Variants in PCDHA3 observed in about 807,000 individuals in gnomAD.
PCDHA3 encodes protocadherin alpha-3.
Under a neutral mutation model 62.2 loss-of-function variants are expected in PCDHA3, and 41 were observed. The observed-to-expected ratio is 0.66, with a 90% CI of 0.51 to 0.86. The LOEUF (loss-of-function observed/expected upper bound fraction) is 0.86. Among genes scored for constraint, PCDHA3 ranks in the 40% least tolerant of loss-of-function variants. PCDHA3 has a pLI of 0.00. For synonymous variants in PCDHA3, 640 were observed against 555.4 expected (o/e 1.15, Z -2.14); for missense variants, 1,304 against 1,241.2 (o/e 1.05, Z -0.76).
rs2150425663 is a variant in PCDHA3, at chr5:140,848,940, G to A, written c.2394+45349G>A. On this transcript the variant is annotated intron_variant, in intron 1 of 3. Coordinates refer to ENST00000522353, the MANE Select transcript of PCDHA3 (RefSeq NM_018906.3). The stretch of plus-strand genomic sequence containing the variant: ...GTTCATCGCGGAATCCAGGCCGCTT[G>A]ACTCTCGGTTTCCACTAGAGGGCGC... 7.5e-6 allele frequency: 12 copies of A among 1,607,456 alleles called. No individual in the cohort carries two copies. In the South Asian group the frequency reaches 1.2e-4, roughly 16 times the overall value.
chr5:140,928,540 G>T lies in PCDHA3; in HGVS notation c.2395-50409G>T, dbSNP rs1554205973. 4 of 1,614,094 alleles carry T rather than the reference G, an allele frequency of 2.5e-6. No homozygotes were observed. In the Admixed American group the frequency reaches 5.0e-5, roughly 20 times the overall value. On this transcript the variant is annotated intron_variant, in intron 1 of 3. Coordinates refer to ENST00000522353, the MANE Select transcript of PCDHA3 (RefSeq NM_018906.3). The stretch of plus-strand genomic sequence containing the variant: ...AAACTTGTTTGTGGTAGATAGGAAT[G>T]ACAATTATCCGGTTATCTTGTTTCC...
rs530453384 is a variant in PCDHA3, at chr5:140,891,358, GA to G, written c.2395-87590del. Among the ~76,000 whole-genome samples the G allele has an allele frequency of 3.0e-3, 462 of 152,158 alleles. 1 individual carries two copies. Among genetic ancestry groups the G allele is most frequent in the Non-Finnish European group, 4.7e-3 (320 of 67,992 alleles). On this transcript the variant is annotated intron_variant, in intron 1 of 3. Transcript: ENST00000522353. ...TGAGATTTTGGTGCATCCATCACCT[GA>G]GCAGTATACATTGCACCATATTTGC...
intron 1 of PCDHA3, chr5:140,968,861 C>T (rs139036960): frequency 5.6e-5 from 90 of 1,614,182 alleles, no homozygotes; most frequent in Admixed American, 2.8e-4. Flanking sequence ...TAAGAGCCCT[C>T]GGACATACTC....
chr5:140,834,196 A>T, intron 1 of PCDHA3: 1 of 595,792 alleles, frequency 1.7e-6, no homozygotes, highest in Non-Finnish European at 2.9e-6. Flanking sequence ...GTCGCTCTTT[A>T]CCGCAAATTC....
At position 140,882,987 on chromosome 5, in the gene PCDHA3, C is replaced by T; in HGVS notation, c.2394+79396C>T. The T allele has an allele frequency of 1.9e-6, 3 of 1,614,110 alleles. No individual in the cohort carries two copies. The highest frequency in any genetic ancestry group is 1.7e-6 in the Non-Finnish European group (2 of 1,180,042). ...ATTCTGGACGTGAATGACAACGCCC[C>T]GGAATTTTACCAATCCGTTTATAAA... is the stretch of plus-strand genomic sequence containing the variant. On this transcript the variant is annotated intron_variant, in intron 1 of 3. Coordinates refer to ENST00000522353, the MANE Select transcript of PCDHA3 (RefSeq NM_018906.3).
chr5:140,976,378 C>G (rs908008970), intron 1 of PCDHA3, among the ~76,000 whole-genome samples: 2 of 151,926 alleles, frequency 1.3e-5, no homozygotes, highest in Non-Finnish European at 2.9e-5. Flanking sequence ...TGGTGAAACC[C>G]CATCTCTACT....
chr5:140,875,816 A>C lies in PCDHA3; in HGVS notation c.2394+72225A>C, dbSNP rs570265935. On this transcript the variant is annotated intron_variant, in intron 1 of 3. Coordinates refer to ENST00000522353, the MANE Select transcript of PCDHA3 (RefSeq NM_018906.3). ...GAGGTGATCGTGGACAGGCCGCTGC[A>C]GGTTTTCCATGTGGACGTGGAGGTG... is the stretch of plus-strand genomic sequence containing the variant. 24 of 1,614,198 alleles carry C rather than the reference A, an allele frequency of 1.5e-5. No individual in the cohort carries two copies. The South Asian group carries it at 2.6e-4, about 18-fold the overall frequency.
chr5:140,967,472 G>A, intron 1 of PCDHA3: 1 of 1,613,430 alleles, frequency 6.2e-7, no homozygotes, highest in Non-Finnish European at 8.5e-7. Flanking sequence ...GGGCATCCCA[G>A]CCCGCTCGGG....
At chr5:140,960,823 G>A (rs370898808) in intron 1 of PCDHA3, among the ~76,000 whole-genome samples, 2 of 152,012 alleles carry the variant, frequency 1.3e-5, no homozygotes, top group East Asian at 3.9e-4. Context: ...AGTGATGAAT[G>A]GAAACTTGGA....
intron 1 of PCDHA3, chr5:140,841,230 G>A: frequency 2.1e-6 from 3 of 1,461,326 alleles, no homozygotes; most frequent in Non-Finnish European, 2.8e-6. Context: ...AACAACGGGA[G>A]ATGCAGCGGA....
At chr5:140,952,345 A>G (rs1199209045) in intron 1 of PCDHA3, among the ~76,000 whole-genome samples, 2 of 151,900 alleles carry the variant, frequency 1.3e-5, no homozygotes, top group Non-Finnish European at 2.9e-5. Context: ...TCTCAAAAAA[A>G]AAAAAAAAAG....
intron 1 of PCDHA3, among the ~76,000 whole-genome samples, chr5:140,844,363 T>A (rs1464433937): frequency 6.7e-6 from 1 of 149,592 alleles, no homozygotes; most frequent in Non-Finnish European, 1.5e-5. Context: ...GGAAGAGATT[T>A]GTAATCCTTC....
At chr5:140,842,693 C>A in intron 1 of PCDHA3, 1 of 1,595,288 alleles carries the variant, frequency 6.3e-7, no homozygotes. Context: ...GTTCGCGCAG[C>A]CCGAGTACAC....
chr5:140,862,480 G>A (rs1293172271), intron 1 of PCDHA3: 1 of 381,094 alleles, frequency 2.6e-6, no homozygotes, highest in East Asian at 7.1e-5. Flanking sequence ...TCTATCCATT[G>A]TTGGTAATCG....
intron 1 of PCDHA3, among the ~76,000 whole-genome samples, chr5:140,975,269 T>A (rs1348655604): frequency 1.3e-5 from 2 of 152,252 alleles, no homozygotes; most frequent in African/African-American, 4.8e-5. Context: ...CTGATTTCTG[T>A]CTCTGACCTC....
intron 3 of PCDHA3, among the ~76,000 whole-genome samples, chr5:140,996,055 C>A (rs1289526573): frequency 6.6e-6 from 1 of 152,164 alleles, no homozygotes; most frequent in Non-Finnish European, 1.5e-5. Flanking sequence ...GTGCTTGGCA[C>A]ACAGTAAAGA....
intron 1 of PCDHA3, chr5:140,835,929 A>G: frequency 6.2e-7 from 1 of 1,612,456 alleles, no homozygotes; most frequent in Non-Finnish European, 8.5e-7. Context: ...GGAGAGCGGC[A>G]AGGTGTACGC....
In PCDHA3 at chr5:140,822,543, T is replaced by A; in HGVS notation, c.2394+18952T>A. Reference sequence around the variant, plus strand: ...TCAGATTGTTGGAAAATGCACCAAGTGGGACATTAGTTATTAAACTGAACG... The same window carrying A: ...TCAGATTGTTGGAAAATGCACCAAGAGGGACATTAGTTATTAAACTGAACG... On this transcript the variant is annotated intron_variant, in intron 1 of 3. Coordinates refer to ENST00000522353, the MANE Select transcript of PCDHA3 (RefSeq NM_018906.3). 6.2e-7 allele frequency: 1 copy of A among 1,613,924 alleles called. No homozygotes were observed. Among genetic ancestry groups the A allele is most frequent in the South Asian group, 1.1e-5 (1 of 91,086 alleles).
chr5:140,855,986 G>C (rs191873949), intron 1 of PCDHA3: 4 of 1,477,690 alleles, frequency 2.7e-6, no homozygotes, highest in Middle Eastern at 1.8e-4. Context: ...GACAGAAAAT[G>C]TCAGATCGTA....
Sources: allele counts gnomAD v4.1 joint callset (sites outside exome capture counted in the v4.1 genomes callset), GRCh38; gene constraint gnomAD v4.1.1; transcripts MANE v1.5; gene names NCBI Gene and HGNC (gene_info 2026-07-23, HGNC 2026-07-21).